The following EP400 variants were observed in gnomAD, a reference collection of about 807,000 sequenced individuals.
EP400 encodes the protein E1A-binding protein p400.
Under a neutral mutation model 354.1 loss-of-function variants are expected in EP400, and 105 were observed. The observed-to-expected ratio is 0.30, with a 90% confidence interval of 0.25 to 0.35. The LOEUF (loss-of-function observed/expected upper bound fraction) is 0.35, where lower values mean the gene tolerates loss of function less well. EP400 is among the 10% of genes least tolerant of loss of function. EP400 has a pLI of 1.00. For synonymous variants in EP400, 1,646 were observed against 1,716.9 expected (o/e 0.96, Z 1.02); for missense variants, 3,280 against 4,121.0 (o/e 0.80, Z 5.59).
chr12:132,063,405 G>C (rs1273395876), intron 47 of EP400, among the ~76,000 whole-genome samples: 1 of 152,048 alleles, frequency 6.6e-6, no homozygotes, highest in African/African-American at 2.4e-5. Flanking sequence ...CCCAGCTGAG[G>C]CCCAAGAATC....
At position 131,987,926 on chromosome 12, in the gene EP400, C is replaced by A; in HGVS notation, c.2409+36C>A. ...ATGCGTGGAGCTGCTGTGCTGTGTG[C>A]GTTGGTGGGGGCTTGAGTTTGCAGT... On this transcript the variant is annotated intron_variant, in intron 7 of 52. Coordinates refer to ENST00000389561, the MANE Select transcript of EP400 (RefSeq NM_015409.5). The A allele has an allele frequency of 7.2e-7, 1 of 1,380,820 alleles. No individual in the cohort carries two copies. The allele number at this position is 1,380,820 out of a possible 1,614,324, so 85.5% of individuals were successfully genotyped here. A position where few individuals can be genotyped will look rare whatever the true frequency, so the allele number is the denominator to read the frequency against.
Position 131,980,626 on chromosome 12 carries a change from G to T in EP400, c.1435+833G>T, listed in dbSNP as rs543241749. Among the ~76,000 whole-genome samples the T allele has an allele frequency of 1.3e-4, 20 of 152,234 alleles. No individual in the cohort carries two copies. In the South Asian group the frequency reaches 4.1e-3, roughly 32 times the overall value. On this transcript the variant is annotated intron_variant, in intron 3 of 52. Transcript: ENST00000389561. ...ACTGGCATCATCATGGCTCACTGCA[G>T]CCTCTACCTCCCAGGCTTGAGCAAA...
At position 132,067,611 on chromosome 12, in the gene EP400, G is replaced by A; in HGVS notation, c.8874+125G>A. On this transcript the variant is annotated intron_variant, in intron 50 of 52. Transcript: ENST00000389561. This position sits in a 1 kb window ranked among gnomAD's most constrained non-coding sequence, Gnocchi z 5.3. ...CACGCTTTTCAGAGGGTGGCTTCAA[G>A]GGCTGGAGGTGCTAGTGTGGTCATC... 1 of 1,351,548 alleles carries A rather than the reference G, an allele frequency of 7.4e-7. No individual in the cohort carries two copies. Among genetic ancestry groups the A allele is most frequent in the Non-Finnish European group, 1.0e-6 (1 of 997,626 alleles). 83.7% of individuals were successfully genotyped at this position (1,351,548 alleles called of 1,614,324 possible). A position where few individuals can be genotyped will look rare whatever the true frequency, so the allele number is the denominator to read the frequency against.
At chr12:131,951,131 T>A (rs969384798) in intron 1 of EP400, among the ~76,000 whole-genome samples, 4 of 149,260 alleles carry the variant, frequency 2.7e-5, no homozygotes, top group Admixed American at 6.7e-5. Context: ...TTGGTCCGGC[T>A]GGTCTGGAAC....
Position 131,978,246 on chromosome 12 carries a change from C to T in EP400, c.1336-1448C>T, listed in dbSNP as rs181820160. Reference sequence around the variant, plus strand: ...AGATTTTTAAACATACCCCATTGCTCCCCCGCCCATGTGCACAGCCTCCTT... The same window carrying T: ...AGATTTTTAAACATACCCCATTGCTTCCCCGCCCATGTGCACAGCCTCCTT... On this transcript the variant is annotated intron_variant, in intron 2 of 52. Coordinates refer to ENST00000389561, the MANE Select transcript of EP400 (RefSeq NM_015409.5). Among the ~76,000 whole-genome samples, 1,514 of 152,238 alleles carry T rather than the reference C, an allele frequency of 9.9e-3. 97 individuals are homozygous for T. The highest frequency in any genetic ancestry group is 2.1e-3 in the Non-Finnish European group (143 of 68,016).
intron 32 of EP400, 45 bp from the exon 33 acceptor site, chr12:132,043,259 A>G (rs1289878877): frequency 5.1e-6 from 8 of 1,578,424 alleles, no homozygotes; most frequent in African/African-American, 1.4e-5. Flanking sequence ...AACTACCCTC[A>G]TTTAAAAAGT....
rs1156681377 is a variant in EP400, at chr12:132,006,362, G to A, written c.3126+60G>A. 3 of 1,546,102 alleles carry A rather than the reference G, an allele frequency of 1.9e-6. No homozygotes were observed. In the East Asian group the frequency reaches 6.8e-5, roughly 35 times the overall value. ...TTTGAGAGACAGAGCACATAGCTTA[G>A]CCATGAGAAAAGCTTTTCCTCTTCC... is the stretch of plus-strand genomic sequence containing the variant. On this transcript the variant is annotated intron_variant, in intron 14 of 52. Coordinates refer to ENST00000389561, the MANE Select transcript of EP400 (RefSeq NM_015409.5).
In EP400 at chr12:132,025,669, G is replaced by A. The variant is rs749231058; in HGVS notation, c.4879G>A (p.Ala1627Thr). 2.5e-5 allele frequency: 40 copies of A among 1,608,210 alleles called. No individual in the cohort carries two copies. Among genetic ancestry groups the A allele is most frequent in the African/African-American group, 2.1e-4 (16 of 74,550 alleles). Residue 1627 changes from alanine (A) to threonine (T), a missense_variant, in exon 25 of 53, where the codon GCC becomes ACC. Ala to Thr is a moderately conservative substitution (Grantham distance 58). Around this residue, in one of 20 missense-constraint regions of EP400, gnomAD observed 459 missense variants for 496.9 expected, o/e 0.92. Coordinates refer to ENST00000389561, the MANE Select transcript of EP400 (RefSeq NM_015409.5). The surrounding 1 kb of genome is among the most constrained non-coding windows in gnomAD (Gnocchi z 4.1). ...AGGCAGCGTCCTCCAGATCGTGTCC[G>A]CCCCCGGGCAGCCCTACCTTCGAGC... ...LQGSVLQIVS[A>T]PGQPYLRAPG...
chr12:132,061,276 G>T (rs1895685445), intron 45 of EP400, among the ~76,000 whole-genome samples: 1 of 152,224 alleles, frequency 6.6e-6, no homozygotes, highest in Non-Finnish European at 1.5e-5. Context: ...CCCAACTGTG[G>T]CAGGGACATT....
rs1008860769 is a variant in EP400 at position 132,027,124 on chromosome 12, G to C, written c.5015-313G>C. ...GCGATGGGGTACCCAGGGCCTCGGA[G>C]GTGTGCTGGGATGCTTCTGGGTGGC... On this transcript the variant is annotated intron_variant, in intron 25 of 52. Coordinates refer to ENST00000389561, the MANE Select transcript of EP400 (RefSeq NM_015409.5). This position sits in a 1 kb window ranked among gnomAD's most constrained non-coding sequence, Gnocchi z 4.9. Among the ~76,000 whole-genome samples, 6 of 152,202 alleles carry C rather than the reference G, an allele frequency of 3.9e-5. No homozygotes were observed. Among genetic ancestry groups the C allele is most frequent in the African/African-American group, 1.4e-4 (6 of 41,442 alleles).
chr12:131,982,226 G>A lies in EP400; in HGVS notation c.1677G>A (p.Gly559=). 2 of 1,614,016 alleles carry A rather than the reference G, an allele frequency of 1.2e-6. No individual in the cohort carries two copies. Among genetic ancestry groups the A allele is most frequent in the Non-Finnish European group, 1.7e-6 (2 of 1,179,962 alleles). The change falls in exon 5 of 53, where the codon GGG becomes GGA. Residue 559 remains glycine, a synonymous_variant. Transcript: ENST00000389561. The part of the protein sequence containing the change: ...SLHTPLPQLP[G]RLPPAGVPTA... Reference sequence around the variant, plus strand: ...ACACCCCACTGCCGCAGCTGCCCGGGAGGCTGCCCCCAGCCGGTGTTCCCA... The same window carrying A: ...ACACCCCACTGCCGCAGCTGCCCGGAAGGCTGCCCCCAGCCGGTGTTCCCA...
At chr12:132,040,454 G>T (rs1023098995) in intron 32 of EP400, among the ~76,000 whole-genome samples, 11 of 152,166 alleles carry the variant, frequency 7.2e-5, no homozygotes, top group African/African-American at 2.7e-4. Flanking sequence ...CCAGGACATG[G>T]AATCAACCCA....
At chr12:131,966,942 C>T (rs1217030134) in intron 2 of EP400, among the ~76,000 whole-genome samples, 1 of 144,064 alleles carries the variant, frequency 6.9e-6, no homozygotes, top group African/African-American at 2.6e-5. Context: ...TGTAGTGATA[C>T]ACACCTGTAG....
chr12:131,977,528 T>C (rs1015191762), intron 2 of EP400, among the ~76,000 whole-genome samples: 4 of 151,260 alleles, frequency 2.6e-5, no homozygotes, highest in Admixed American at 1.3e-4. Flanking sequence ...AATTAAAAAA[T>C]ACTCTTTTCT....
chr12:132,013,295 T>G lies in EP400; in HGVS notation c.3611+117T>G, dbSNP rs1893824136. 1 of 1,441,946 alleles carries G rather than the reference T, an allele frequency of 6.9e-7. No individual in the cohort carries two copies. Among genetic ancestry groups the G allele is most frequent in the African/African-American group, 1.4e-5 (1 of 70,732 alleles). 89.3% of individuals were successfully genotyped at this position (1,441,946 alleles called of 1,614,324 possible). On this transcript the variant is annotated intron_variant, in intron 17 of 52. Coordinates refer to ENST00000389561, the MANE Select transcript of EP400 (RefSeq NM_015409.5). The surrounding 1 kb of genome is among the most constrained non-coding windows in gnomAD (Gnocchi z 4.5). The stretch of plus-strand genomic sequence containing the variant: ...ATGGCCTTTGAGCTAGAGAATTGCT[T>G]TTCATCTTCATCCCAGCACATGGGC...
intron 2 of EP400, among the ~76,000 whole-genome samples, chr12:131,976,380 C>T (rs1566168608): frequency 6.6e-6 from 1 of 152,116 alleles, no homozygotes; most frequent in African/African-American, 2.4e-5. Context: ...TCTTCTGAAA[C>T]GTATTTATTT....
Position 132,018,480 on chromosome 12 carries a change from T to C in EP400, c.4277+104T>C. ...AGAAAGGCTGCTAATGTAGTTAGGT[T>C]ATCTGCTGCTCTTGGGACCTTGCTG... On this transcript the variant is annotated intron_variant, in intron 21 of 52. Transcript: ENST00000389561. This position sits in a 1 kb window ranked among gnomAD's most constrained non-coding sequence, Gnocchi z 4.0. The C allele has an allele frequency of 2.8e-6, 4 of 1,443,780 alleles. No individual in the cohort carries two copies. Among genetic ancestry groups the C allele is most frequent in the Non-Finnish European group, 3.7e-6 (4 of 1,083,088 alleles). The allele number at this position is 1,443,780 out of a possible 1,614,324, so 89.4% of individuals were successfully genotyped here. A position where few individuals can be genotyped will look rare whatever the true frequency, so the allele number is the denominator to read the frequency against.
rs997428761 is a variant in EP400 at position 132,053,688 on chromosome 12, T to C, written c.7728+91T>C. On this transcript the variant is annotated intron_variant, in intron 43 of 52. Coordinates refer to ENST00000389561, the MANE Select transcript of EP400 (RefSeq NM_015409.5). Reference sequence around the variant, plus strand: ...AGTGCTTTCTGTTGAAACGAAGACTTGTTGCCAGTTCTAGCACATTTCCAG... The same window carrying C: ...AGTGCTTTCTGTTGAAACGAAGACTCGTTGCCAGTTCTAGCACATTTCCAG... 48 of 1,354,886 alleles carry C rather than the reference T, an allele frequency of 3.5e-5. 1 individual carries two copies. Among genetic ancestry groups the C allele is most frequent in the Non-Finnish European group, 4.5e-5 (47 of 1,035,702 alleles). The allele number at this position is 1,354,886 out of a possible 1,614,324, so 83.9% of individuals were successfully genotyped here. A position where few individuals can be genotyped will look rare whatever the true frequency, so the allele number is the denominator to read the frequency against.
chr12:132,005,675 C>T (rs977979701), intron 13 of EP400, among the ~76,000 whole-genome samples: 2 of 152,012 alleles, frequency 1.3e-5, no homozygotes, highest in African/African-American at 2.4e-5. Flanking sequence ...CCAGACCCCA[C>T]GCTGCCAGCA....
Sources: gnomAD v4.1 joint callset for allele counts (sites outside exome capture counted in the v4.1 genomes callset) on GRCh38, gnomAD v4.1.1 for gene constraint, gnomAD v4.1.1 regional missense constraint, Gnocchi (gnomAD v3.1) non-coding constraint, MANE v1.5 for transcripts, NCBI Gene and HGNC (gene_info 2026-07-23, HGNC 2026-07-21) for gene names.